Variants in SPMIP3 observed in about 807,000 individuals in gnomAD.
SPMIP3 encodes sperm microtubule inner protein 3.
At chr1:244,384,550 A>T in the SPMIP3 span, among the ~76,000 whole-genome samples, 2 of 152,130 alleles carry the variant, frequency 1.3e-5, no homozygotes, top group African/African-American at 4.8e-5. Flanking sequence ...AGTTTTAAAA[A>T]ATCTGGACGC....
At chr1:244,376,627 C>T in the SPMIP3 span, among the ~76,000 whole-genome samples, 2 of 152,028 alleles carry the variant, frequency 1.3e-5, no homozygotes, top group South Asian at 2.1e-4. Flanking sequence ...TATTTCGAAA[C>T]CTTTTTATTT....
chr1:244,378,623 G>A, the SPMIP3 span: 2 of 1,613,006 alleles, frequency 1.2e-6, no homozygotes, highest in Non-Finnish European at 8.5e-7. Context: ...ACTATTCTCT[G>A]CCATTTTATG....
the SPMIP3 span, chr1:244,375,107 C>T: frequency 4.2e-6 from 1 of 237,190 alleles, no homozygotes; most frequent in Non-Finnish European, 8.1e-6. Flanking sequence ...GAATCCTGAA[C>T]ATAAATAACA....
chr1:244,360,605 C>T, the SPMIP3 span, among the ~76,000 whole-genome samples: 2 of 151,082 alleles, frequency 1.3e-5, no homozygotes, highest in African/African-American at 4.9e-5. Flanking sequence ...TGAAATCGGT[C>T]GGGCAGAGTG....
At chr1:244,386,923 G>T in the SPMIP3 span, among the ~76,000 whole-genome samples, 3 of 152,292 alleles carry the variant, frequency 2.0e-5, no homozygotes, top group African/African-American at 7.2e-5. Context: ...TAATCTTTTT[G>T]AGATGGCAAT....
chr1:244,371,688 C>A, the SPMIP3 span, among the ~76,000 whole-genome samples: 1 of 152,196 alleles, frequency 6.6e-6, no homozygotes, highest in South Asian at 2.1e-4. Flanking sequence ...AAACCCAGCC[C>A]ACCGCCCACA....
At chr1:244,384,637 T>C in the SPMIP3 span, among the ~76,000 whole-genome samples, 1 of 152,156 alleles carries the variant, frequency 6.6e-6, no homozygotes, top group Admixed American at 6.5e-5. Context: ...CATCAGTCAT[T>C]TTTAAAACTC....
At chr1:244,360,522 A>ACT in the SPMIP3 span, among the ~76,000 whole-genome samples, 23 of 60,832 alleles carry the variant, frequency 3.8e-4, no homozygotes, top group Non-Finnish European at 7.0e-4. Flanking sequence ...ACACACACAC[A>ACT]CACACACACA....
At chr1:244,384,463 C>A in the SPMIP3 span, among the ~76,000 whole-genome samples, 20 of 152,148 alleles carry the variant, frequency 1.3e-4, no homozygotes, top group African/African-American at 4.6e-4. Context: ...CTCAGCCTCC[C>A]AAAGTGCTGG....
chr1:244,373,323 A>C, the SPMIP3 span, among the ~76,000 whole-genome samples: 1 of 50,106 alleles, frequency 2.0e-5, no homozygotes, highest in Non-Finnish European at 4.4e-5. Flanking sequence ...GTGAAACTAC[A>C]AAAAAAAATT....
At chr1:244,362,565 A>T in the SPMIP3 span, among the ~76,000 whole-genome samples, 1 of 152,066 alleles carries the variant, frequency 6.6e-6, no homozygotes, top group South Asian at 2.1e-4. Context: ...AGGACACAGA[A>T]CACTCTCGCA....
chr1:244,384,662 T>C, the SPMIP3 span, among the ~76,000 whole-genome samples: 2 of 152,166 alleles, frequency 1.3e-5, no homozygotes, highest in African/African-American at 2.4e-5. Context: ...GATAATTCCA[T>C]AGCGCAGCCA....
the SPMIP3 span, among the ~76,000 whole-genome samples, chr1:244,382,748 C>T: frequency 2.6e-5 from 4 of 151,696 alleles, no homozygotes; most frequent in East Asian, 3.9e-4. Flanking sequence ...GGACTACAGG[C>T]GCGCACCACC....
the SPMIP3 span, among the ~76,000 whole-genome samples, chr1:244,363,017 TGTTG>T: frequency 6.9e-6 from 1 of 145,266 alleles, no homozygotes; most frequent in Non-Finnish European, 1.5e-5. Flanking sequence ...CTTTTTTTTT[TGTTG>T]TTGTATTTTT....
At chr1:244,375,831 AT>A in the SPMIP3 span, among the ~76,000 whole-genome samples, 3 of 151,840 alleles carry the variant, frequency 2.0e-5, no homozygotes, top group Admixed American at 6.6e-5. Flanking sequence ...TACCCAGCTA[AT>A]TTTTTTGTAT....
At chr1:244,367,266 A>G in the SPMIP3 span, among the ~76,000 whole-genome samples, 1 of 152,220 alleles carries the variant, frequency 6.6e-6, no homozygotes, top group Non-Finnish European at 1.5e-5. Context: ...TATACATGCA[A>G]TGGGTTGAAG....
At chr1:244,363,196 A>G in the SPMIP3 span, among the ~76,000 whole-genome samples, 1 of 152,256 alleles carries the variant, frequency 6.6e-6, no homozygotes, top group East Asian at 1.9e-4. Flanking sequence ...ACCTGAGGTC[A>G]GGAGTACAAG....
chr1:244,389,080 C>A, the SPMIP3 span: 5 of 1,595,402 alleles, frequency 3.1e-6, no homozygotes, highest in Non-Finnish European at 3.4e-6. Context: ...CCACGGCATT[C>A]GAACAAAATA....
the SPMIP3 span, among the ~76,000 whole-genome samples, chr1:244,361,935 G>A: frequency 1.3e-5 from 2 of 152,076 alleles, no homozygotes; most frequent in East Asian, 3.9e-4. Context: ...TTCGGAGTTC[G>A]GGTTAGCAGA....
Sources: allele counts gnomAD v4.1 joint callset (sites outside exome capture counted in the v4.1 genomes callset), GRCh38; gene constraint gnomAD v4.1.1; transcripts MANE v1.5; gene names NCBI Gene and HGNC (gene_info 2026-07-23, HGNC 2026-07-21).